The following NAP1L4 variants were observed in gnomAD, a reference collection of about 807,000 sequenced individuals.
NAP1L4 encodes the protein nucleosome assembly protein 1-like 4.
A neutral mutation model predicts 58.2 loss-of-function variants in NAP1L4; 15 were observed. That is an observed-to-expected ratio of 0.26 (90% CI 0.17 to 0.40). The LOEUF is 0.40. Among genes scored for constraint, NAP1L4 ranks in the 10% least tolerant of loss-of-function variants. The probability of loss-of-function intolerance (pLI) is 1.00; values close to 1 mark genes in which losing one functional copy is unlikely to be tolerated. For synonymous variants in NAP1L4, 171 were observed against 155.6 expected, an observed-to-expected ratio of 1.10 and a Z score of -0.74; for missense variants, 384 against 451.1, an observed-to-expected ratio of 0.85 and a Z score of 1.35.
At chr11:2,988,436 A>G (rs1564994288) in intron 1 of NAP1L4, among the ~76,000 whole-genome samples, 1 of 152,240 alleles carries the variant, frequency 6.6e-6, no homozygotes, top group Non-Finnish European at 1.5e-5. Context: ...TGTCTCCCAT[A>G]GCAGAAACAA....
At position 2,969,873 on chromosome 11, in the gene NAP1L4, T is replaced by G; in HGVS notation, c.464A>C (p.Asp155Ala). Residue 155 changes from aspartate (D) to alanine (A), a missense_variant, in exon 7 of 16, where the codon GAT becomes GCT. By Grantham distance (126) the Asp-to-Ala change is moderately radical (BLOSUM62 -2). Transcript: ENST00000380542. ...EKAAATAEEP[D>A]PKGIPEFWFT... ...CCAGAACTCTGGAATTCCTTTGGGATCTGGCTCTTCAGCCGTTGCCGCTGC... is the reference window on the plus strand; with the variant it reads ...CCAGAACTCTGGAATTCCTTTGGGAGCTGGCTCTTCAGCCGTTGCCGCTGC... 6.2e-7 allele frequency: 1 copy of G among 1,613,902 alleles called. No individual in the cohort carries two copies. Among genetic ancestry groups the G allele is most frequent in the Non-Finnish European group, 8.5e-7 (1 of 1,179,840 alleles).
At chr11:2,979,646 C>T (rs576693327) in intron 1 of NAP1L4, among the ~76,000 whole-genome samples, 1 of 152,160 alleles carries the variant, frequency 6.6e-6, no homozygotes, top group Non-Finnish European at 1.5e-5. Flanking sequence ...GTGGTGCACG[C>T]CTGTAATCCC....
At chr11:2,958,982 C>T (rs1418637769) in intron 9 of NAP1L4, 1 of 187,308 alleles carries the variant, frequency 5.3e-6, no homozygotes, top group Non-Finnish European at 1.1e-5. Context: ...CCAGTGCAGA[C>T]CACTCCAGCC....
chr11:2,983,248 T>C (rs1456320338), intron 1 of NAP1L4, among the ~76,000 whole-genome samples: 1 of 152,176 alleles, frequency 6.6e-6, no homozygotes, highest in Non-Finnish European at 1.5e-5. Context: ...CCACCTGTGT[T>C]AGGACATGAG....
intron 7 of NAP1L4, among the ~76,000 whole-genome samples, chr11:2,966,949 C>A (rs1013764958): frequency 1.3e-5 from 2 of 152,208 alleles, no homozygotes; most frequent in African/African-American, 4.8e-5. Context: ...CACTGGCAGA[C>A]GCTCAGACTC....
chr11:2,961,261 T>G (rs1215182462), intron 8 of NAP1L4, among the ~76,000 whole-genome samples: 1 of 151,852 alleles, frequency 6.6e-6, no homozygotes, highest in Non-Finnish European at 1.5e-5. Flanking sequence ...CATGAGGGCT[T>G]AGGAAGTCAG....
intron 1 of NAP1L4, among the ~76,000 whole-genome samples, chr11:2,984,279 C>A (rs545634160): frequency 1.3e-5 from 2 of 151,844 alleles, no homozygotes; most frequent in South Asian, 4.2e-4. Flanking sequence ...GATTTAAAAA[C>A]CCTTTAACAA....
At chr11:2,961,665 C>T (rs1273315833) in intron 8 of NAP1L4, among the ~76,000 whole-genome samples, 1 of 152,002 alleles carries the variant, frequency 6.6e-6, no homozygotes, top group African/African-American at 2.4e-5. Flanking sequence ...GACTTGTGGT[C>T]CTTCACCATG....
intron 4 of NAP1L4, among the ~76,000 whole-genome samples, chr11:2,975,095 T>C (rs997955520): frequency 6.6e-6 from 1 of 151,070 alleles, no homozygotes; most frequent in African/African-American, 2.4e-5. Flanking sequence ...TGGGGCCTCC[T>C]GGGAGACCAA....
chr11:2,985,642 T>C (rs2134020111), intron 1 of NAP1L4, among the ~76,000 whole-genome samples: 1 of 152,360 alleles, frequency 6.6e-6, no homozygotes, highest in Admixed American at 6.5e-5. Flanking sequence ...CCACAATGTA[T>C]AGTACTTCAA....
At chr11:2,970,255 C>A (rs1464090830) in intron 6 of NAP1L4, among the ~76,000 whole-genome samples, 4 of 152,134 alleles carry the variant, frequency 2.6e-5, no homozygotes, top group African/African-American at 7.2e-5. Flanking sequence ...CTGAGACAAT[C>A]ATCATCACAA....
At position 2,946,414 on chromosome 11, in the gene NAP1L4, A is replaced by T. The variant is rs569750315; in HGVS notation, c.*33-768T>A. Among the ~76,000 whole-genome samples, 120 of 152,330 alleles carry T rather than the reference A, an allele frequency of 7.9e-4. No homozygotes were observed. The highest frequency in any genetic ancestry group is 2.8e-3 in the African/African-American group (115 of 41,572). On this transcript the variant is annotated intron_variant, in intron 15 of 15. Coordinates refer to ENST00000380542, the MANE Select transcript of NAP1L4 (RefSeq NM_005969.4). The surrounding 1 kb of genome is among the most constrained non-coding windows in gnomAD (Gnocchi z 4.8). ...TTAAACCACATCCAGCAACTCCATG[A>T]ATTTGTGTGGAGGCCAACAATAGCC...
chr11:2,991,237 C>G (rs1293443196), intron 1 of NAP1L4: 2 of 432,976 alleles, frequency 4.6e-6, no homozygotes, highest in South Asian at 3.1e-5. Context: ...TCCTGCCCCG[C>G]AATCAGACTT....
At chr11:2,978,374 T>C in intron 2 of NAP1L4, 32 bp from the exon 3 acceptor site, 4 of 1,601,332 alleles carry the variant, frequency 2.5e-6, no homozygotes, top group Non-Finnish European at 2.6e-6. Flanking sequence ...AAAGTATTAC[T>C]GTAAAGAAAG....
In NAP1L4 at chr11:2,954,079, T is replaced by C. The variant is rs927946463; in HGVS notation, c.1035+448A>G. 6.6e-6 allele frequency among the ~76,000 whole-genome samples: 1 copy of C among 152,060 alleles called. No individual in the cohort carries two copies. The highest frequency in any genetic ancestry group is 2.4e-5 in the African/African-American group (1 of 41,412). On this transcript the variant is annotated intron_variant, in intron 12 of 15. Transcript: ENST00000380542. This position sits in a 1 kb window ranked among gnomAD's most constrained non-coding sequence, Gnocchi z 4.8. ...TGTTTTCTTCGGGAGCACGGGTTTC[T>C]TTTTTTTCCTTTTTACCTAATTAGA...
At chr11:2,983,639 T>C (rs1248696427) in intron 1 of NAP1L4, 1 of 148,884 alleles carries the variant, frequency 6.7e-6, no homozygotes, top group African/African-American at 2.5e-5. Flanking sequence ...AATAATGAAT[T>C]TACACAATAA....
At chr11:2,977,793 T>C (rs1003467412) in intron 3 of NAP1L4, among the ~76,000 whole-genome samples, 5 of 151,224 alleles carry the variant, frequency 3.3e-5, no homozygotes, top group Non-Finnish European at 7.4e-5. Context: ...AAATATCACA[T>C]CTGTGAATTT....
intron 12 of NAP1L4, among the ~76,000 whole-genome samples, chr11:2,953,081 G>A (rs1448957868): frequency 6.6e-6 from 1 of 152,218 alleles, no homozygotes; most frequent in Non-Finnish European, 1.5e-5. Flanking sequence ...TCAAGGAGGT[G>A]GTGGAGCTAC....
At position 2,948,802 on chromosome 11, in the gene NAP1L4, G is replaced by A. The variant is rs1168653548; in HGVS notation, c.*32+425C>T. On this transcript the variant is annotated intron_variant, in intron 15 of 15. Coordinates refer to ENST00000380542, the MANE Select transcript of NAP1L4 (RefSeq NM_005969.4). The surrounding 1 kb of genome is among the most constrained non-coding windows in gnomAD (Gnocchi z 5.1). Reference sequence around the variant, plus strand: ...AAGTATAGATATTCAACAGACACGTGTTGGTAATGACAGTGGGCCAATTTC... The same window carrying A: ...AAGTATAGATATTCAACAGACACGTATTGGTAATGACAGTGGGCCAATTTC... Among the ~76,000 whole-genome samples the A allele has an allele frequency of 7.2e-5, 11 of 152,232 alleles. No individual in the cohort carries two copies. Among genetic ancestry groups the A allele is most frequent in the African/African-American group, 2.2e-4 (9 of 41,452 alleles).
Sources: gnomAD v4.1 joint callset for allele counts (sites outside exome capture counted in the v4.1 genomes callset) on GRCh38, gnomAD v4.1.1 for gene constraint, Gnocchi (gnomAD v3.1) non-coding constraint, MANE v1.5 for transcripts, NCBI Gene and HGNC (gene_info 2026-07-23, HGNC 2026-07-21) for gene names.